The following CNTNAP2 variants were observed in gnomAD, a reference collection of about 807,000 sequenced individuals.
The protein encoded by CNTNAP2 is contactin associated protein 2.
Under a neutral mutation model 155.2 loss-of-function variants are expected in CNTNAP2, and 98 were observed. The ratio of observed to expected loss-of-function variants is 0.63; its 90% CI spans 0.54 to 0.75. The LOEUF (loss-of-function observed/expected upper bound fraction) is 0.75, where lower values mean the gene tolerates loss of function less well. Ranked by LOEUF, CNTNAP2 falls within the 30% of genes least tolerant of loss-of-function variation. The pLI, the probability that CNTNAP2 is intolerant of heterozygous loss-of-function variation, is 0.00. For synonymous variants in CNTNAP2, 651 were observed against 631.2 expected (o/e 1.03, Z -0.47); for missense variants, 1,727 against 1,688.1 (o/e 1.02, Z -0.40).
chr7:147,020,729 C>T (rs1258322704), intron 3 of CNTNAP2, among the ~76,000 whole-genome samples: 1 of 152,100 alleles, frequency 6.6e-6, no homozygotes, highest in East Asian at 1.9e-4. Context: ...ATAATATTGC[C>T]TTTAAAAATA....
chr7:148,174,911 G>A (rs1002255575), intron 18 of CNTNAP2, among the ~76,000 whole-genome samples: 1 of 151,690 alleles, frequency 6.6e-6, no homozygotes, highest in African/African-American at 2.4e-5. Flanking sequence ...TCCCCTTGCC[G>A]CCAACCCCCC....
intron 2 of CNTNAP2, among the ~76,000 whole-genome samples, chr7:146,834,737 T>A (rs749764433): frequency 1.3e-5 from 2 of 152,190 alleles, no homozygotes; most frequent in Non-Finnish European, 2.9e-5. Context: ...GCATCTCCAC[T>A]TCTTCTAACT....
At chr7:146,708,174 T>G (rs1461936684) in intron 1 of CNTNAP2, among the ~76,000 whole-genome samples, 1 of 152,306 alleles carries the variant, frequency 6.6e-6, no homozygotes, top group South Asian at 2.1e-4. Context: ...ACTTTCTACC[T>G]TGTATTATTA....
intron 14 of CNTNAP2, among the ~76,000 whole-genome samples, chr7:147,930,845 T>C (rs1800488597): frequency 6.6e-6 from 1 of 152,232 alleles, no homozygotes; most frequent in Admixed American, 6.5e-5. Flanking sequence ...CCAGGTATCT[T>C]TTCTGATCAC....
chr7:146,836,328 C>T (rs1171768023), intron 2 of CNTNAP2, among the ~76,000 whole-genome samples: 5 of 152,040 alleles, frequency 3.3e-5, no homozygotes, highest in African/African-American at 1.2e-4. Flanking sequence ...GTTAATAACA[C>T]TTCATTATAA....
chr7:147,411,403 C>A (rs1584933156), intron 10 of CNTNAP2, among the ~76,000 whole-genome samples: 1 of 152,146 alleles, frequency 6.6e-6, no homozygotes, highest in East Asian at 1.9e-4. Flanking sequence ...GTTTGGGTCT[C>A]AGTAAGAAAG....
chr7:146,885,181 T>G (rs1194647433), intron 3 of CNTNAP2, among the ~76,000 whole-genome samples: 2 of 152,184 alleles, frequency 1.3e-5, no homozygotes, highest in Non-Finnish European at 2.9e-5. Flanking sequence ...TAAAATGAAA[T>G]TATAATTTGC....
chr7:146,936,525 G>T (rs1373928167), intron 3 of CNTNAP2, among the ~76,000 whole-genome samples: 1 of 152,164 alleles, frequency 6.6e-6, no homozygotes, highest in Non-Finnish European at 1.5e-5. Context: ...TCAAAATTGA[G>T]AAAATGACCA....
intron 12 of CNTNAP2, among the ~76,000 whole-genome samples, chr7:147,576,471 A>ATGG (rs1376498768): frequency 6.6e-6 from 1 of 152,128 alleles, no homozygotes; most frequent in Non-Finnish European, 1.5e-5. Context: ...GGCTGTTTTT[A>ATGG]CAGTAAATAT....
At chr7:148,346,192 C>T (rs529087591) in intron 21 of CNTNAP2, among the ~76,000 whole-genome samples, 3 of 152,200 alleles carry the variant, frequency 2.0e-5, no homozygotes, top group South Asian at 2.1e-4. Flanking sequence ...ATCAGGCAAG[C>T]GCATCTTACT....
chr7:146,690,428 A>AG, intron 1 of CNTNAP2, among the ~76,000 whole-genome samples: 1 of 152,228 alleles, frequency 6.6e-6, no homozygotes, highest in East Asian at 1.9e-4. Flanking sequence ...AGCTCCCAAA[A>AG]TGCCTGTGGC....
rs550344422 is a variant in CNTNAP2, at chr7:146,427,381, T to C, written c.97+310408T>C. 2.8e-4 allele frequency among the ~76,000 whole-genome samples: 43 copies of C among 152,344 alleles called. No homozygotes were observed. The South Asian group carries it at 2.9e-3, about 10-fold the overall frequency. On this transcript the variant is annotated intron_variant, in intron 1 of 23. Transcript: ENST00000361727. ...ACCGCCATTGTAGACATACATAATA[T>C]GTAAATGAATAACTGTGGCTGTGTT...
At chr7:147,545,579 G>A (rs1185986534) in intron 11 of CNTNAP2, among the ~76,000 whole-genome samples, 2 of 152,114 alleles carry the variant, frequency 1.3e-5, no homozygotes, top group Non-Finnish European at 2.9e-5. Flanking sequence ...CTTCCATAGG[G>A]TAATTCATGC....
At chr7:146,393,233 T>G (rs1584903829) in intron 1 of CNTNAP2, among the ~76,000 whole-genome samples, 1 of 152,186 alleles carries the variant, frequency 6.6e-6, no homozygotes, top group Non-Finnish European at 1.5e-5. Context: ...GTTTTTCCAG[T>G]GACAAAGTTC....
intron 17 of CNTNAP2, among the ~76,000 whole-genome samples, chr7:148,151,990 T>C (rs1449345722): frequency 6.6e-6 from 1 of 152,068 alleles, no homozygotes; most frequent in Non-Finnish European, 1.5e-5. Flanking sequence ...CCACCTAGGT[T>C]CCGGAAGGAA....
intron 1 of CNTNAP2, among the ~76,000 whole-genome samples, chr7:146,577,229 AG>A (rs1323591672): frequency 6.6e-6 from 1 of 152,148 alleles, no homozygotes; most frequent in East Asian, 1.9e-4. Flanking sequence ...TGTTCTGCAC[AG>A]GGGTAAAGAG....
intron 1 of CNTNAP2, among the ~76,000 whole-genome samples, chr7:146,325,165 A>G (rs1801075893): frequency 6.6e-6 from 1 of 152,112 alleles, no homozygotes; most frequent in Admixed American, 6.6e-5. Flanking sequence ...TCCTAGGCTC[A>G]AGAAATCCTC....
intron 2 of CNTNAP2, among the ~76,000 whole-genome samples, chr7:146,793,088 A>G (rs1802702979): frequency 6.6e-6 from 1 of 152,178 alleles, no homozygotes; most frequent in Non-Finnish European, 1.5e-5. Flanking sequence ...AAAAATTATC[A>G]ATTTGCTACT....
intron 8 of CNTNAP2, among the ~76,000 whole-genome samples, chr7:147,225,675 A>G (rs959821201): frequency 2.6e-5 from 4 of 151,554 alleles, no homozygotes; most frequent in African/African-American, 9.7e-5. Flanking sequence ...ACACCTGCAT[A>G]CTCTTAACAT....
Sources: allele counts gnomAD v4.1 joint callset (sites outside exome capture counted in the v4.1 genomes callset), GRCh38; gene constraint gnomAD v4.1.1; transcripts MANE v1.5; gene names NCBI Gene and HGNC (gene_info 2026-07-23, HGNC 2026-07-21).